The following EYA3 variants were observed in gnomAD, a reference collection of about 807,000 sequenced individuals.
The protein encoded by EYA3 is protein phosphatase EYA3.
A neutral mutation model predicts 80.0 loss-of-function variants in EYA3; 39 were observed. That is an observed-to-expected ratio of 0.49 (90% CI 0.38 to 0.64). The LOEUF is 0.64. EYA3 is among the 30% of genes least tolerant of loss of function. EYA3 has a pLI of 0.00. For synonymous variants in EYA3, 206 were observed against 232.8 expected (o/e 0.88, Z 1.05); for missense variants, 523 against 676.1 (o/e 0.77, Z 2.51).
intron 7 of EYA3, among the ~76,000 whole-genome samples, chr1:28,022,773 G>A (rs1396878855): frequency 6.6e-6 from 1 of 151,896 alleles, no homozygotes; most frequent in African/African-American, 2.4e-5. Flanking sequence ...GGAGTTCAGT[G>A]GTGCGATCAC....
chr1:27,990,763 G>C (rs1639998325), intron 14 of EYA3, among the ~76,000 whole-genome samples: 1 of 151,784 alleles, frequency 6.6e-6, no homozygotes, highest in Non-Finnish European at 1.5e-5. Flanking sequence ...ATATTGGCCA[G>C]GCTGGTCTTG....
At chr1:27,988,480 T>C in intron 16 of EYA3, 55 bp downstream of exon 16, 1 of 1,595,796 alleles carries the variant, frequency 6.3e-7, no homozygotes, top group South Asian at 1.1e-5. Context: ...AGGTGCATCA[T>C]GAGTAGAAAG....
intron 1 of EYA3, among the ~76,000 whole-genome samples, chr1:28,086,094 A>G (rs1645640450): frequency 6.6e-6 from 1 of 152,176 alleles, no homozygotes; most frequent in African/African-American, 2.4e-5. Context: ...ATGACCCACT[A>G]AATACTATAT....
rs563518204 is a variant in EYA3 at position 28,018,464 on chromosome 1, C to T, written c.500-1225G>A. On this transcript the variant is annotated intron_variant, in intron 7 of 17. Coordinates refer to ENST00000373871, the MANE Select transcript of EYA3 (RefSeq NM_001990.4). ...ACACACTTAGACATGGTTCCTACTGCAGGTACACACACCATATGGGTTCAC... is the reference window on the plus strand; with the variant it reads ...ACACACTTAGACATGGTTCCTACTGTAGGTACACACACCATATGGGTTCAC... 3.9e-5 allele frequency among the ~76,000 whole-genome samples: 6 copies of T among 152,288 alleles called. No individual in the cohort carries two copies. In the South Asian group the frequency reaches 1.2e-3, roughly 32 times the overall value.
chr1:28,052,098 TC>T (rs1207131935), intron 2 of EYA3, among the ~76,000 whole-genome samples: 1 of 152,084 alleles, frequency 6.6e-6, no homozygotes, highest in African/African-American at 2.4e-5. Flanking sequence ...AACCTCCACC[TC>T]CTGGGTTCAA....
chr1:27,984,731 C>T (rs969377338), intron 16 of EYA3, among the ~76,000 whole-genome samples: 3 of 152,128 alleles, frequency 2.0e-5, no homozygotes, highest in African/African-American at 7.2e-5. Context: ...TCGTTTCCAT[C>T]TGCATATAAA....
At chr1:27,984,160 T>C (rs1290172473) in intron 16 of EYA3, among the ~76,000 whole-genome samples, 1 of 152,056 alleles carries the variant, frequency 6.6e-6, no homozygotes, top group African/African-American at 2.4e-5. Context: ...CCTTAGCCTC[T>C]TGAGTAGCTG....
intron 14 of EYA3, among the ~76,000 whole-genome samples, chr1:27,992,289 G>C (rs111476871): frequency 6.6e-6 from 1 of 152,130 alleles, no homozygotes; most frequent in Non-Finnish European, 1.5e-5. Flanking sequence ...GAGAGGTTTC[G>C]AGATGAAATT....
In EYA3 at chr1:27,970,962, G is replaced by C. The variant is rs926331206; in HGVS notation, c.*3504C>G. 1 of 152,232 alleles carries C rather than the reference G, an allele frequency of 6.6e-6. No homozygotes were observed. Among genetic ancestry groups the C allele is most frequent in the Non-Finnish European group, 1.5e-5 (1 of 68,052 alleles). 9.4% of individuals were successfully genotyped at this position (152,232 alleles called of 1,614,324 possible). On this transcript the variant is annotated 3_prime_UTR_variant, in exon 18 of 18. Coordinates refer to ENST00000373871, the MANE Select transcript of EYA3 (RefSeq NM_001990.4). ...CTAGAAGCTCCACATGCTGCAGCTA[G>C]AGTTTGCAAGTCAGATTCTATTTGG...
At chr1:28,040,937 C>T (rs1216527921) in intron 4 of EYA3, among the ~76,000 whole-genome samples, 1 of 152,058 alleles carries the variant, frequency 6.6e-6, no homozygotes, top group African/African-American at 2.4e-5. Context: ...AAGGGAAGAC[C>T]GTGATGACAC....
At chr1:28,000,293 T>G (rs1172741179) in intron 11 of EYA3, among the ~76,000 whole-genome samples, 1 of 152,096 alleles carries the variant, frequency 6.6e-6, no homozygotes, top group Non-Finnish European at 1.5e-5. Flanking sequence ...TAAAGATAAA[T>G]GAGGACAGAA....
intron 8 of EYA3, among the ~76,000 whole-genome samples, chr1:28,015,417 A>G (rs948241515): frequency 6.6e-6 from 1 of 152,116 alleles, no homozygotes; most frequent in Non-Finnish European, 1.5e-5. Context: ...CAAACCAACG[A>G]ATAAAAACAT....
At chr1:28,036,836 G>GTAAGCATAAAAATAAAAAAA (rs1430916542) in intron 5 of EYA3, among the ~76,000 whole-genome samples, 4 of 152,012 alleles carry the variant, frequency 2.6e-5, no homozygotes, top group Non-Finnish European at 5.9e-5. Flanking sequence ...AGCAGGGGGT[G>GTAAGCATAAAAATAAAAAAA]TTTTAAAGGG....
chr1:28,005,769 A>G (rs1641223422), intron 10 of EYA3, among the ~76,000 whole-genome samples: 1 of 151,936 alleles, frequency 6.6e-6, no homozygotes, highest in Admixed American at 6.6e-5. Context: ...TATAAAACTA[A>G]ACAAAATAGA....
intron 1 of EYA3, among the ~76,000 whole-genome samples, chr1:28,064,256 G>A (rs531345596): frequency 4.6e-5 from 7 of 151,830 alleles, no homozygotes; most frequent in East Asian, 1.9e-4. Flanking sequence ...GTGCATACAC[G>A]TATATAAAAA....
intron 2 of EYA3, 129 bp downstream of exon 2, chr1:28,057,865 T>G: frequency 1.8e-6 from 1 of 541,642 alleles, no homozygotes; most frequent in Non-Finnish European, 3.0e-6. Context: ...CATTGTTTTC[T>G]TGAAAGGAAA....
intron 7 of EYA3, among the ~76,000 whole-genome samples, chr1:28,021,015 C>T (rs1187442752): frequency 6.6e-6 from 1 of 152,064 alleles, no homozygotes; most frequent in African/African-American, 2.4e-5. Context: ...AACAGAAGAC[C>T]ACGGTTACAG....
At position 27,993,574 on chromosome 1, in the gene EYA3, A is replaced by G. The variant is rs778466963; in HGVS notation, c.1143-14T>C. 1.9e-6 allele frequency: 3 copies of G among 1,562,300 alleles called. No homozygotes were observed. Among genetic ancestry groups the G allele is most frequent in the Admixed American group, 4.4e-5 (2 of 45,444 alleles). ...AAACTGTAGTTGCTGCAAGGAGAGA[A>G]GATAATAAAAATTAAAATTTATACA... On this transcript the variant is annotated splice_polypyrimidine_tract_variant and intron_variant, in intron 13 of 17. Transcript: ENST00000373871.
At chr1:28,046,548 G>C (rs1312908945) in intron 3 of EYA3, among the ~76,000 whole-genome samples, 1 of 152,016 alleles carries the variant, frequency 6.6e-6, no homozygotes, top group Non-Finnish European at 1.5e-5. Context: ...CAAGGAGGGA[G>C]GGAATAAAGG....
Sources: gnomAD v4.1 joint callset for allele counts (sites outside exome capture counted in the v4.1 genomes callset) on GRCh38, gnomAD v4.1.1 for gene constraint, MANE v1.5 for transcripts, NCBI Gene and HGNC (gene_info 2026-07-23, HGNC 2026-07-21) for gene names.